Variants in PCDHGA2 observed in about 807,000 individuals in gnomAD.
PCDHGA2 encodes the protein protocadherin gamma-A2.
In PCDHGA2, 40 loss-of-function variants were observed where a neutral mutation model predicts 59.2. The observed-to-expected ratio is 0.68, with a 90% CI of 0.52 to 0.88. PCDHGA2 has a LOEUF of 0.88. Ranked by LOEUF, PCDHGA2 falls within the 40% of genes least tolerant of loss-of-function variation. The pLI, the probability that PCDHGA2 is intolerant of heterozygous loss-of-function variation, is 0.00. For missense variants in PCDHGA2, 1,226 were observed against 1,204.0 expected, an observed-to-expected ratio of 1.02 and a Z score of -0.27; for synonymous variants, 560 against 526.0, an observed-to-expected ratio of 1.06 and a Z score of -0.89.
At chr5:141,414,360 A>G (rs1177384414) in intron 1 of PCDHGA2, 1 of 1,613,800 alleles carries the variant, frequency 6.2e-7, no homozygotes, top group Non-Finnish European at 8.5e-7. Context: ...CGTATCTACC[A>G]TTTAAATTAG....
chr5:141,432,706 C>T lies in PCDHGA2; in HGVS notation c.2425-62101C>T, dbSNP rs761752571. ...GCCTCGTAGTGGCCGTCCAGGACCA[C>T]GGCCAGCCCCCTCTCTCCGCCACTG... On this transcript the variant is annotated intron_variant, in intron 1 of 3. Transcript: ENST00000394576. The surrounding 1 kb of genome is among the most constrained non-coding windows in gnomAD (Gnocchi z 6.0). 10 of 1,613,870 alleles carry T rather than the reference C, an allele frequency of 6.2e-6. No homozygotes were observed. The East Asian group carries it at 1.1e-4, about 18-fold the overall frequency.
intron 1 of PCDHGA2, among the ~76,000 whole-genome samples, chr5:141,407,336 G>A (rs1005803062): frequency 6.6e-6 from 1 of 152,240 alleles, no homozygotes; most frequent in Admixed American, 6.5e-5. Flanking sequence ...ATATTGAAAT[G>A]TATGTTAATT....
chr5:141,465,995 A>C lies in PCDHGA2; in HGVS notation c.2425-28812A>C, dbSNP rs551920109. On this transcript the variant is annotated intron_variant, in intron 1 of 3. Coordinates refer to ENST00000394576, the MANE Select transcript of PCDHGA2 (RefSeq NM_018915.4). ...AAATTAGCCGGGCATGGTGGCAGGC[A>C]CCTGTAGTCCCAGCTACTCGGGAGG... Among the ~76,000 whole-genome samples the C allele has an allele frequency of 1.3e-4, 20 of 151,982 alleles. No homozygotes were observed. In the South Asian group the frequency reaches 4.2e-3, roughly 32 times the overall value.
In PCDHGA2 at chr5:141,351,767, G is replaced by A. The variant is rs371048978; in HGVS notation, c.2424+10372G>A. On this transcript the variant is annotated intron_variant, in intron 1 of 3. Coordinates refer to ENST00000394576, the MANE Select transcript of PCDHGA2 (RefSeq NM_018915.4). ...GCGGGAGCTGTTGTCCTACGTGTCC[G>A]TGAGCCCGCAGAGCGGGGTGGTGTT... 379 of 1,613,510 alleles carry A rather than the reference G, an allele frequency of 2.3e-4. 3 individuals are homozygous for A. The East Asian group carries it at 7.6e-3, about 32-fold the overall frequency.
chr5:141,418,753 A>G, intron 1 of PCDHGA2: 2 of 1,613,974 alleles, frequency 1.2e-6, no homozygotes, highest in South Asian at 2.2e-5. Context: ...ATTACACTAC[A>G]GGAAACATTC....
At chr5:141,399,066 G>C (rs770799351) in intron 1 of PCDHGA2, 5 of 1,613,726 alleles carry the variant, frequency 3.1e-6, no homozygotes, top group South Asian at 2.2e-5. Context: ...AATATTCAAT[G>C]GTTGTAGAAG....
chr5:141,394,509 G>T lies in PCDHGA2; in HGVS notation c.2424+53114G>T, dbSNP rs367855808. 10 of 1,614,028 alleles carry T rather than the reference G, an allele frequency of 6.2e-6. No homozygotes were observed. The highest frequency in any genetic ancestry group is 7.6e-6 in the Non-Finnish European group (9 of 1,180,034). On this transcript the variant is annotated intron_variant, in intron 1 of 3. Transcript: ENST00000394576. ...CAACGCGCCCGAGATCCTGTACCCCGCCCTCCCCACAGACGGTTCCACTGG... is the reference window on the plus strand; with the variant it reads ...CAACGCGCCCGAGATCCTGTACCCCTCCCTCCCCACAGACGGTTCCACTGG...
At chr5:141,427,683 G>C in intron 1 of PCDHGA2, 1 of 836,052 alleles carries the variant, frequency 1.2e-6, no homozygotes. Flanking sequence ...CCTTCCCGGA[G>C]CCTCCATCCC....
In PCDHGA2 at chr5:141,476,599, TC is replaced by T; in HGVS notation, c.2425-18205del. The T allele has an allele frequency of 6.2e-7, 1 of 1,614,210 alleles. No individual in the cohort carries two copies. ...GCTTTCCGCTCGAGAGCGCGCACGA[TC>T]CCGATGTGGGAAGCAACTCTTTACA... is the stretch of plus-strand genomic sequence containing the variant. On this transcript the variant is annotated intron_variant, in intron 1 of 3. Transcript: ENST00000394576. This position sits in a 1 kb window ranked among gnomAD's most constrained non-coding sequence, Gnocchi z 7.6.
intron 1 of PCDHGA2, chr5:141,422,466 G>T: frequency 1.2e-6 from 2 of 1,613,528 alleles, no homozygotes; most frequent in Non-Finnish European, 1.7e-6. Flanking sequence ...TGCTGGACAG[G>T]GAGTTGGTCC....
intron 1 of PCDHGA2, chr5:141,383,222 TC>T: frequency 6.2e-7 from 1 of 1,613,962 alleles, no homozygotes. Flanking sequence ...AACTTTAACA[TC>T]CTGATGGAAG....
At chr5:141,393,094 A>T in intron 1 of PCDHGA2, 4 of 1,613,606 alleles carry the variant, frequency 2.5e-6, no homozygotes, top group Non-Finnish European at 3.4e-6. Flanking sequence ...GATCGGGAGG[A>T]GCTCTGCGCT....
At position 141,485,225 on chromosome 5, in the gene PCDHGA2, T is replaced by C; in HGVS notation, c.2425-9582T>C. The C allele has an allele frequency of 1.2e-6, 2 of 1,614,156 alleles. No homozygotes were observed. Among genetic ancestry groups the C allele is most frequent in the Non-Finnish European group, 1.7e-6 (2 of 1,180,010 alleles). On this transcript the variant is annotated intron_variant, in intron 1 of 3. Coordinates refer to ENST00000394576, the MANE Select transcript of PCDHGA2 (RefSeq NM_018915.4). The surrounding 1 kb of genome is among the most constrained non-coding windows in gnomAD (Gnocchi z 5.7). Reference sequence around the variant, plus strand: ...AGAAATCTGGCGGTGGGCTACCCTTTTGTTCCTCTTTTACCACCTGGGTTA... The same window carrying C: ...AGAAATCTGGCGGTGGGCTACCCTTCTGTTCCTCTTTTACCACCTGGGTTA...
At chr5:141,478,045 T>C in intron 1 of PCDHGA2, 3 of 1,614,144 alleles carry the variant, frequency 1.9e-6, no homozygotes, top group East Asian at 2.2e-5. Flanking sequence ...CCAGGCAGAC[T>C]CTCACGGTCT....
intron 1 of PCDHGA2, chr5:141,419,831 G>C: frequency 1.9e-6 from 3 of 1,614,048 alleles, no homozygotes; most frequent in Non-Finnish European, 2.5e-6. Context: ...TTCAGCCACT[G>C]CCACGCTGCA....
rs1454432396 is a variant in PCDHGA2 at position 141,388,086 on chromosome 5, G to T, written c.2424+46691G>T. 2.9e-6 allele frequency: 4 copies of T among 1,368,264 alleles called. No individual in the cohort carries two copies. Among genetic ancestry groups the T allele is most frequent in the Admixed American group, 2.0e-5 (1 of 48,944 alleles). The allele number at this position is 1,368,264 out of a possible 1,614,324, so 84.8% of individuals were successfully genotyped here. On this transcript the variant is annotated intron_variant, in intron 1 of 3. Coordinates refer to ENST00000394576, the MANE Select transcript of PCDHGA2 (RefSeq NM_018915.4). ...GGAGTTACCGACTCGAAAACTGCGCGTCAGTTCGGAGAAGCCTTACTTCAC... is the reference window on the plus strand; with the variant it reads ...GGAGTTACCGACTCGAAAACTGCGCTTCAGTTCGGAGAAGCCTTACTTCAC...
At chr5:141,345,596 C>G (rs375745755) in intron 1 of PCDHGA2, 1 of 1,614,112 alleles carries the variant, frequency 6.2e-7, no homozygotes, top group African/African-American at 1.3e-5. Context: ...GATCCTTCGA[C>G]TACGAGCAAT....
At chr5:141,421,417 G>A (rs1188564125) in intron 1 of PCDHGA2, 2 of 1,613,950 alleles carry the variant, frequency 1.2e-6, no homozygotes, top group Non-Finnish European at 1.7e-6. Context: ...GGCGAAGCGC[G>A]GAGTCCGCAT....
chr5:141,433,837 CAAA>C (rs56191208), intron 1 of PCDHGA2, among the ~76,000 whole-genome samples: 5 of 111,684 alleles, frequency 4.5e-5, no homozygotes, highest in Admixed American at 2.0e-4. Flanking sequence ...AACTCTATCT[CAAA>C]AAAAAAAAAA....
Sources: allele counts gnomAD v4.1 joint callset (sites outside exome capture counted in the v4.1 genomes callset), GRCh38; gene constraint gnomAD v4.1.1; non-coding constraint Gnocchi (gnomAD v3.1); transcripts MANE v1.5; gene names NCBI Gene and HGNC (gene_info 2026-07-23, HGNC 2026-07-21).